The following ABCC1 variants were observed in gnomAD, a reference collection of about 807,000 sequenced individuals.
ABCC1 encodes the protein ATP binding cassette subfamily C member 1 (ABCC1 blood group), also known as multidrug resistance-associated protein 1.
In ABCC1, 83 loss-of-function variants were observed where a neutral mutation model predicts 172.9. The ratio of observed to expected loss-of-function variants is 0.48; its 90% CI spans 0.40 to 0.58. The LOEUF (loss-of-function observed/expected upper bound fraction) is 0.58, where lower values mean the gene tolerates loss of function less well. ABCC1 is among the 20% of genes least tolerant of loss of function. ABCC1 has a pLI of 0.00. For synonymous variants in ABCC1, 937 were observed against 825.2 expected, an observed-to-expected ratio of 1.14 and a Z score of -2.32; for missense variants, 1,817 against 2,002.7, an observed-to-expected ratio of 0.91 and a Z score of 1.77.
At chr16:16,016,312 T>C (rs1005481224) in intron 4 of ABCC1, among the ~76,000 whole-genome samples, 184 bp from the exon 5 acceptor site, 1 of 151,636 alleles carries the variant, frequency 6.6e-6, no homozygotes, top group Admixed American at 6.6e-5. Flanking sequence ...CACCACCACG[T>C]CTGGCCAATT....
intron 5 of ABCC1, 59 bp downstream of exon 5, chr16:16,016,680 A>C (rs942364452): frequency 2.3e-5 from 37 of 1,598,700 alleles, no homozygotes; most frequent in Non-Finnish European, 3.2e-5. Flanking sequence ...TGCGTGACAC[A>C]GTACCAGCTA....
intron 4 of ABCC1, among the ~76,000 whole-genome samples, chr16:16,016,068 G>T (rs1234394480): frequency 1.3e-5 from 2 of 152,098 alleles, no homozygotes; most frequent in East Asian, 3.8e-4. Context: ...CATCCCGGGG[G>T]GAGCTGGGAG....
intron 7 of ABCC1, among the ~76,000 whole-genome samples, chr16:16,042,435 G>T (rs2049013807): frequency 6.6e-6 from 1 of 152,108 alleles, no homozygotes; most frequent in Admixed American, 6.6e-5. Context: ...GGGCACAGTG[G>T]CTCATGCCCA....
chr16:15,962,297 A>T (rs2046151287), intron 1 of ABCC1, among the ~76,000 whole-genome samples: 1 of 152,200 alleles, frequency 6.6e-6, no homozygotes, highest in African/African-American at 2.4e-5. Flanking sequence ...ATTGCTTTTA[A>T]ATCAATAATT....
chr16:16,134,631 T>C, intron 28 of ABCC1, 123 bp downstream of exon 28: 1 of 680,682 alleles, frequency 1.5e-6, no homozygotes, highest in Non-Finnish European at 2.0e-6. Flanking sequence ...CGTTCTTTTT[T>C]TTTTTTTTTT....
At chr16:16,010,256 T>G (rs574432213) in intron 3 of ABCC1, among the ~76,000 whole-genome samples, 1 of 152,120 alleles carries the variant, frequency 6.6e-6, no homozygotes, top group Admixed American at 6.6e-5. Context: ...GATCTCACTG[T>G]GTTGTCTAGG....
chr16:16,121,475 A>G (rs894082046), intron 23 of ABCC1, among the ~76,000 whole-genome samples: 1 of 152,244 alleles, frequency 6.6e-6, no homozygotes, highest in African/African-American at 2.4e-5. Context: ...CTCAAAGCCT[A>G]TGCTGAAAAC....
At chr16:15,989,817 A>G (rs1159831094) in intron 1 of ABCC1, among the ~76,000 whole-genome samples, 4 of 152,162 alleles carry the variant, frequency 2.6e-5, no homozygotes, top group African/African-American at 9.7e-5. Flanking sequence ...AGCGATGTAC[A>G]TGAAACCTGA....
rs45491699 is a variant in ABCC1 at position 15,975,344 on chromosome 16, T to C, written c.48+25545T>C. Among the ~76,000 whole-genome samples, 46 of 152,278 alleles carry C rather than the reference T, an allele frequency of 3.0e-4. No individual in the cohort carries two copies. In the East Asian group the frequency reaches 8.5e-3, roughly 28 times the overall value. ...GCTCTTAGGTGCTTGGGAGTTCTCC[T>C]GGTTTTTTGCTGTTGTGAAATGGCC... is the stretch of plus-strand genomic sequence containing the variant. On this transcript the variant is annotated intron_variant, in intron 1 of 30. Transcript: ENST00000399410.
chr16:16,098,796 C>T, intron 19 of ABCC1: 5 of 1,272,208 alleles, frequency 3.9e-6, no homozygotes, highest in South Asian at 3.5e-5. Context: ...TCCCTTCACT[C>T]CTTTATTTAG....
Position 16,034,023 on chromosome 16 carries a change from C to CT in ABCC1, c.677+875dup, listed in dbSNP as rs10580146. 4.1e-3 allele frequency among the ~76,000 whole-genome samples: 358 copies of CT among 86,810 alleles called. 33 individuals are homozygous for CT. In the East Asian group the frequency reaches 0.071, roughly 17 times the overall value. 57.0% of individuals were successfully genotyped at this position (86,810 alleles called of 152,430 possible). A position where few individuals can be genotyped will look rare whatever the true frequency, so the allele number is the denominator to read the frequency against. ...TTTTTTTGCCCCTAATAAGCATCAT[C>CT]TTTTTTTTTTTTTTTTTTTTTTGAG... On this transcript the variant is annotated intron_variant, in intron 6 of 30. Coordinates refer to ENST00000399410, the MANE Select transcript of ABCC1 (RefSeq NM_004996.4).
At chr16:16,118,696 C>T (rs2045014950) in intron 23 of ABCC1, among the ~76,000 whole-genome samples, 1 of 151,590 alleles carries the variant, frequency 6.6e-6, no homozygotes, top group South Asian at 2.1e-4. Context: ...GGACCAAGTT[C>T]TAGGTGCACT....
intron 1 of ABCC1, among the ~76,000 whole-genome samples, chr16:15,986,874 G>T (rs990471379): frequency 3.3e-5 from 5 of 152,180 alleles, no homozygotes; most frequent in East Asian, 1.9e-4. Context: ...ATTTGGTTAG[G>T]CTAGAGAATG....
At chr16:16,121,850 C>G (rs2152112933) in intron 23 of ABCC1, 125 bp from the exon 24 acceptor site, 2 of 965,558 alleles carry the variant, frequency 2.1e-6, no homozygotes, top group Middle Eastern at 2.2e-4. Context: ...TGAGGGCAGC[C>G]CGGCTCTAAC....
chr16:16,007,872 C>G lies in ABCC1; in HGVS notation c.105C>G (p.Asn35Lys), dbSNP rs757323996. Residue 35 changes from asparagine (N) to lysine (K), a missense_variant, in exon 2 of 31, where the codon AAC becomes AAG. By Grantham distance (94) the Asn-to-Lys change is moderately conservative. Around this residue, in one of 3 missense-constraint regions of ABCC1, gnomAD observed 398 missense variants for 384.2 expected, o/e 1.04. Coordinates refer to ENST00000399410, the MANE Select transcript of ABCC1 (RefSeq NM_004996.4). ...CCGACTTCACCAAGTGCTTTCAGAA[C>G]ACGGTCCTCGTGTGGGTGCCTTGTT... ...SNPDFTKCFQ[N>K]TVLVWVPCFY... 4 of 1,613,700 alleles carry G rather than the reference C, an allele frequency of 2.5e-6. No homozygotes were observed. The East Asian group carries it at 6.7e-5, about 27-fold the overall frequency.
intron 5 of ABCC1, among the ~76,000 whole-genome samples, chr16:16,019,851 T>C (rs1404971581): frequency 6.6e-6 from 1 of 152,094 alleles, no homozygotes; most frequent in Admixed American, 6.6e-5. Flanking sequence ...TCCCCAGTCA[T>C]TGTTTTCTGT....
chr16:16,069,105 TGA>T (rs2050224719), intron 13 of ABCC1, among the ~76,000 whole-genome samples: 1 of 148,476 alleles, frequency 6.7e-6, no homozygotes, highest in Non-Finnish European at 1.5e-5. Flanking sequence ...CCCAGGAGTT[TGA>T]GACTAGCCTG....
chr16:16,099,355 G>A (rs542427264), intron 19 of ABCC1, among the ~76,000 whole-genome samples: 1 of 152,210 alleles, frequency 6.6e-6, no homozygotes, highest in African/African-American at 2.4e-5. Context: ...AGCAGGTGGT[G>A]GTGGGGACCC....
At chr16:15,963,141 A>G (rs566184643) in intron 1 of ABCC1, among the ~76,000 whole-genome samples, 27 of 152,384 alleles carry the variant, frequency 1.8e-4, no homozygotes, top group Admixed American at 1.1e-3. Flanking sequence ...CTGAAATCCA[A>G]TAGGCCAGTC....
Sources: allele counts gnomAD v4.1 joint callset (sites outside exome capture counted in the v4.1 genomes callset), GRCh38; gene constraint gnomAD v4.1.1; regional missense constraint gnomAD v4.1.1; transcripts MANE v1.5; gene names NCBI Gene and HGNC (gene_info 2026-07-23, HGNC 2026-07-21).